The following CUX1 variants were observed in gnomAD, a reference collection of about 807,000 sequenced individuals.
The protein encoded by CUX1 is protein CASP.
In CUX1, 31 loss-of-function variants were observed where a neutral mutation model predicts 158.8. That is an observed-to-expected ratio of 0.20 (90% CI 0.15 to 0.26). CUX1 has a LOEUF of 0.26. Ranked by LOEUF, CUX1 falls within the 10% of genes least tolerant of loss-of-function variation. CUX1 has a pLI of 1.00. For missense variants in CUX1, 1,589 were observed against 2,014.6 expected (o/e 0.79, Z 4.04); for synonymous variants, 879 against 862.1 (o/e 1.02, Z -0.34).
intron 14 of CUX1, 133 bp downstream of exon 14, chr7:102,195,736 T>C: frequency 2.7e-6 from 2 of 754,538 alleles, no homozygotes; most frequent in Non-Finnish European, 4.2e-6. Flanking sequence ...AACCTTTGAC[T>C]AACGCGTGTT....
chr7:101,972,562 C>T (rs1812096269), intron 2 of CUX1, among the ~76,000 whole-genome samples: 1 of 152,246 alleles, frequency 6.6e-6, no homozygotes, highest in African/African-American at 2.4e-5. Context: ...GCCCTGACCA[C>T]TGGACACATC....
chr7:102,131,816 G>A (rs1554497264), intron 8 of CUX1, among the ~76,000 whole-genome samples: 1 of 151,780 alleles, frequency 6.6e-6, no homozygotes, highest in African/African-American at 2.4e-5. Flanking sequence ...GGGATTACAG[G>A]CGCGCACCAC....
chr7:102,006,018 T>TTGGAAGGCTAAGGCTGCCGAGG (rs1817325212), intron 2 of CUX1, among the ~76,000 whole-genome samples: 3 of 152,162 alleles, frequency 2.0e-5, no homozygotes, highest in African/African-American at 7.2e-5. Flanking sequence ...GAAGATGCGC[T>TTGGAAGGCTAAGGCTGCCGAGG]TGGAAGGCTA....
intron 8 of CUX1, among the ~76,000 whole-genome samples, chr7:102,152,679 A>G (rs978922867): frequency 6.6e-6 from 1 of 152,248 alleles, no homozygotes; most frequent in Non-Finnish European, 1.5e-5. Context: ...GGCATGAGCC[A>G]CTGCATCTGG....
At position 102,257,967 on chromosome 7, in the gene CUX1, G is replaced by A. The variant is rs1425764819; in HGVS notation, c.*8925G>A. 9 of 982,140 alleles carry A rather than the reference G, an allele frequency of 9.2e-6. No homozygotes were observed. In the African/African-American group the frequency reaches 1.6e-4, roughly 18 times the overall value. 60.8% of individuals were successfully genotyped at this position (982,140 alleles called of 1,614,324 possible). Reference sequence around the variant, plus strand: ...TGTGTTGCTGTGTGACATCTCTCTGGTAACATTTTATTTCTTGCTATTTGT... The same window carrying A: ...TGTGTTGCTGTGTGACATCTCTCTGATAACATTTTATTTCTTGCTATTTGT... On this transcript the variant is annotated 3_prime_UTR_variant, in exon 24 of 24. Transcript: ENST00000292535.
intron 12 of CUX1, among the ~76,000 whole-genome samples, chr7:102,191,039 A>T (rs577976044): frequency 2.5e-4 from 38 of 152,122 alleles, no homozygotes; most frequent in African/African-American, 8.4e-4. Flanking sequence ...CACTTCCATG[A>T]CCAGCTGCCT....
intron 16 of CUX1, among the ~76,000 whole-genome samples, chr7:102,199,369 A>C (rs1457319161): frequency 6.6e-6 from 1 of 152,206 alleles, no homozygotes; most frequent in Non-Finnish European, 1.5e-5. Flanking sequence ...TTAGGAAGGT[A>C]GTAAGAAATT....
In CUX1 at chr7:102,257,421, GA is replaced by G. The variant is rs797034263; in HGVS notation, c.*8389del. ...ACGTACCCCCATCTGAGACCTCTTG[GA>G]AAAAAAAAATCCCGTGTATTCTGGA... On this transcript the variant is annotated 3_prime_UTR_variant, in exon 24 of 24. Coordinates refer to ENST00000292535, the MANE Select transcript of CUX1 (RefSeq NM_181552.4). 1.9e-3 allele frequency: 1,825 copies of G among 968,080 alleles called. 25 individuals are homozygous for G. The African/African-American group carries it at 0.03, about 16-fold the overall frequency. The allele number at this position is 968,080 out of a possible 1,614,324, so 60.0% of individuals were successfully genotyped here. A position where few individuals can be genotyped will look rare whatever the true frequency, so the allele number is the denominator to read the frequency against.
chr7:102,146,147 C>G (rs1554501948), intron 8 of CUX1, among the ~76,000 whole-genome samples: 1 of 152,110 alleles, frequency 6.6e-6, no homozygotes, highest in African/African-American at 2.4e-5. Context: ...TAGAGAGATG[C>G]AGGAAGCAGC....
downstream of CUX1, among the ~76,000 whole-genome samples, chr7:102,259,399 C>T (rs1554543043): frequency 6.6e-6 from 1 of 152,120 alleles, no homozygotes; most frequent in Non-Finnish European, 1.5e-5. Context: ...ACCAGCCTGG[C>T]CAACATGGTG....
At chr7:102,063,388 T>TC (rs1415410377) in intron 3 of CUX1, among the ~76,000 whole-genome samples, 1 of 137,056 alleles carries the variant, frequency 7.3e-6, no homozygotes, top group Non-Finnish European at 1.6e-5. Context: ...CTTTTCTTTT[T>TC]TTTTTTTTTT....
intron 2 of CUX1, among the ~76,000 whole-genome samples, chr7:101,951,699 G>A (rs1164314557): frequency 6.6e-6 from 1 of 152,096 alleles, no homozygotes; most frequent in Admixed American, 6.6e-5. Flanking sequence ...AGTAGAGACA[G>A]GGTTTCACCG....
intron 2 of CUX1, among the ~76,000 whole-genome samples, chr7:101,945,978 A>G (rs900495466): frequency 5.9e-5 from 9 of 152,312 alleles, no homozygotes; most frequent in African/African-American, 1.4e-4. Flanking sequence ...TGCACTTCCA[A>G]TGAGTGGTTC....
intron 20 of CUX1, among the ~76,000 whole-genome samples, chr7:102,224,714 G>A (rs575984172): frequency 7.9e-5 from 12 of 152,294 alleles, no homozygotes; most frequent in African/African-American, 2.9e-4. Context: ...CCACGCCACT[G>A]GCTTGCAAGG....
At chr7:102,281,281 G>T (rs1028408086) in intron 20 of CUX1, among the ~76,000 whole-genome samples, 1 of 151,520 alleles carries the variant, frequency 6.6e-6, no homozygotes, top group Non-Finnish European at 1.5e-5. Flanking sequence ...GACGGAGGAG[G>T]ATCACTTGAG....
At chr7:101,966,116 G>A (rs530926973) in intron 2 of CUX1, among the ~76,000 whole-genome samples, 2 of 152,130 alleles carry the variant, frequency 1.3e-5, no homozygotes, top group South Asian at 2.1e-4. Flanking sequence ...CCAGGCTGGA[G>A]TGCAGTGGCA....
In CUX1 at chr7:102,249,382, A is replaced by G; in HGVS notation, c.*340A>G. On this transcript the variant is annotated 3_prime_UTR_variant, in exon 24 of 24. Transcript: ENST00000292535. ...CCACAGGGCAAAATCGCCATAGGCC[A>G]AGGTGCATATAGAAAACAAAGGAGC... The G allele has an allele frequency of 1.0e-6, 1 of 994,404 alleles. No individual in the cohort carries two copies. The highest frequency in any genetic ancestry group is 1.2e-6 in the Non-Finnish European group (1 of 835,618). The allele number at this position is 994,404 out of a possible 1,614,324, so 61.6% of individuals were successfully genotyped here.
chr7:102,138,653 C>T (rs1834141411), intron 8 of CUX1, among the ~76,000 whole-genome samples: 1 of 152,180 alleles, frequency 6.6e-6, no homozygotes, highest in Non-Finnish European at 1.5e-5. Flanking sequence ...CTTCCCTCTA[C>T]AATGAGACCC....
At chr7:101,986,772 C>G (rs1295170423) in intron 2 of CUX1, among the ~76,000 whole-genome samples, 1 of 152,194 alleles carries the variant, frequency 6.6e-6, no homozygotes, top group African/African-American at 2.4e-5. Context: ...GGGCCCAACT[C>G]CGGACCCTAC....
Sources: allele counts gnomAD v4.1 joint callset (sites outside exome capture counted in the v4.1 genomes callset), GRCh38; gene constraint gnomAD v4.1.1; transcripts MANE v1.5; gene names NCBI Gene and HGNC (gene_info 2026-07-23, HGNC 2026-07-21).